PCDHGA6: variants seen among roughly 807,000 people sequenced by gnomAD.
The protein encoded by PCDHGA6 is protocadherin gamma-A6.
A neutral mutation model predicts 60.6 loss-of-function variants in PCDHGA6; 41 were observed. The observed-to-expected ratio is 0.68, with a 90% CI of 0.53 to 0.88. The LOEUF is 0.88. Ranked by LOEUF, PCDHGA6 falls within the 40% of genes least tolerant of loss-of-function variation. The pLI is 0.00. For synonymous variants in PCDHGA6, 594 were observed against 524.4 expected (o/e 1.13, Z -1.81); for missense variants, 1,312 against 1,203.0 (o/e 1.09, Z -1.34).
intron 1 of PCDHGA6, among the ~76,000 whole-genome samples, chr5:141,397,380 A>G (rs1469821900): frequency 1.7e-4 from 26 of 152,236 alleles, no homozygotes; most frequent in Non-Finnish European, 3.8e-4. Flanking sequence ...GGGGATTGGT[A>G]TAAAATTGCC....
intron 1 of PCDHGA6, among the ~76,000 whole-genome samples, chr5:141,447,896 G>C (rs2098554754): frequency 6.6e-6 from 1 of 152,022 alleles, no homozygotes; most frequent in African/African-American, 2.4e-5. Flanking sequence ...GACCAGCCTG[G>C]CCAACATGGT....
At chr5:141,423,440 C>G in intron 1 of PCDHGA6, 1 of 1,613,970 alleles carries the variant, frequency 6.2e-7, no homozygotes, top group South Asian at 1.1e-5. Context: ...GGTATGCCCA[C>G]GTCACATTTT....
chr5:141,389,737 G>A, intron 1 of PCDHGA6: 2 of 1,612,718 alleles, frequency 1.2e-6, no homozygotes, highest in Non-Finnish European at 1.7e-6. Flanking sequence ...TTCAGCCTGG[G>A]GCTGCGCACG....
In PCDHGA6 at chr5:141,489,189, C is replaced by A; in HGVS notation, c.2425-5618C>A. 1 of 1,341,534 alleles carries A rather than the reference C, an allele frequency of 7.5e-7. No homozygotes were observed. The highest frequency in any genetic ancestry group is 1.0e-6 in the Non-Finnish European group (1 of 975,280). 83.1% of individuals were successfully genotyped at this position (1,341,534 alleles called of 1,614,324 possible). A position where few individuals can be genotyped will look rare whatever the true frequency, so the allele number is the denominator to read the frequency against. On this transcript the variant is annotated intron_variant, in intron 1 of 3. Transcript: ENST00000517434. This position sits in a 1 kb window ranked among gnomAD's most constrained non-coding sequence, Gnocchi z 4.5. ...TGCTGCATTCCAAGCCCTGGGTCTA[C>A]CTTGGAGACAGGACAGCACAGACTT...
intron 1 of PCDHGA6, among the ~76,000 whole-genome samples, chr5:141,438,585 TACATAC>T (rs201018754): frequency 0.16 from 9,805 of 59,734 alleles, 612 homozygotes; most frequent in African/African-American, 0.28. Context: ...CATACATACA[TACATAC>T]ATATATATAT....
At chr5:141,394,122 C>G in intron 1 of PCDHGA6, 1 of 1,613,944 alleles carries the variant, frequency 6.2e-7, no homozygotes, top group Middle Eastern at 1.6e-4. Context: ...CACTGAAACT[C>G]AAATCGCTCT....
At chr5:141,392,010 A>T (rs949188518) in intron 1 of PCDHGA6, 1 of 152,234 alleles carries the variant, frequency 6.6e-6, no homozygotes, top group African/African-American at 2.4e-5. Context: ...TGCAATGGTA[A>T]AAGCATTTAT....
At position 141,375,956 on chromosome 5, in the gene PCDHGA6, G is replaced by T; in HGVS notation, c.1873G>T (p.Glu625Ter). The T allele has an allele frequency of 1.2e-6, 2 of 1,613,506 alleles. No homozygotes were observed. The highest frequency in any genetic ancestry group is 1.7e-6 in the Non-Finnish European group (2 of 1,179,926). ...TTTCTCAGTGGGCCTGCACACGGGC[G>T]AGGTGCGCACGGCGCGCGCCCTGCT... Reference protein sequence around the residue: ...GLFSVGLHTGEVRTARALLDR... With the variant: ...GLFSVGLHTG Residue 625 changes from glutamate to a stop codon, truncating the protein, a stop_gained, in exon 1 of 4, where the codon GAG (glutamate) becomes TAG (stop). Transcript: ENST00000517434. LOFTEE classifies it high-confidence loss of function.
Position 141,487,673 on chromosome 5 carries a change from C to T in PCDHGA6, c.2425-7134C>T. On this transcript the variant is annotated intron_variant, in intron 1 of 3. Transcript: ENST00000517434. The surrounding 1 kb of genome is among the most constrained non-coding windows in gnomAD (Gnocchi z 5.0). Reference sequence around the variant, plus strand: ...GGGTTATTCTGATCCAGGCATATGGCTAGGCCATGTCCTAGAGAGTACTGG... The same window carrying T: ...GGGTTATTCTGATCCAGGCATATGGTTAGGCCATGTCCTAGAGAGTACTGG... 6.2e-7 allele frequency: 1 copy of T among 1,611,456 alleles called. No homozygotes were observed. Among genetic ancestry groups the T allele is most frequent in the East Asian group, 2.2e-5 (1 of 44,852 alleles).
intron 1 of PCDHGA6, chr5:141,404,640 T>C (rs368593595): frequency 1.6e-5 from 26 of 1,614,092 alleles, no homozygotes; most frequent in East Asian, 2.2e-5. Context: ...CCAGAAATCC[T>C]GTACCCTGCC....
chr5:141,428,344 G>T (rs970552377), intron 1 of PCDHGA6: 3 of 596,498 alleles, frequency 5.0e-6, no homozygotes, highest in Non-Finnish European at 6.1e-6. Flanking sequence ...CTTCTTCCTC[G>T]CAGTGATTTT....
chr5:141,414,498 C>CT (rs748856262), intron 1 of PCDHGA6: 40 of 1,613,848 alleles, frequency 2.5e-5, no homozygotes, highest in Non-Finnish European at 3.3e-5. Context: ...CGGAAGCTCA[C>CT]TTTATGCTAC....
At chr5:141,404,319 C>T in intron 1 of PCDHGA6, 3 of 1,613,900 alleles carry the variant, frequency 1.9e-6, no homozygotes, top group East Asian at 4.5e-5. Context: ...TCTCAAGCCT[C>T]CTACTCAGTC....
chr5:141,383,364 C>G lies in PCDHGA6; in HGVS notation c.2424+6857C>G, dbSNP rs1345393790. Reference sequence around the variant, plus strand: ...CTCCTGGGGTTCGGTTTCCGTTAAGCGAGGCTGGGGATCCAGATGTGGGCA... The same window carrying G: ...CTCCTGGGGTTCGGTTTCCGTTAAGGGAGGCTGGGGATCCAGATGTGGGCA... On this transcript the variant is annotated intron_variant, in intron 1 of 3. Transcript: ENST00000517434. The G allele has an allele frequency of 2.5e-6, 4 of 1,613,946 alleles. No homozygotes were observed. The South Asian group carries it at 4.4e-5, about 18-fold the overall frequency.
intron 1 of PCDHGA6, chr5:141,417,644 A>G (rs2096142506): frequency 3.9e-6 from 3 of 779,086 alleles, no homozygotes; most frequent in Non-Finnish European, 5.8e-6. Context: ...GGGATCCCTC[A>G]GCCTCTAGCC....
chr5:141,490,257 T>C lies in PCDHGA6; in HGVS notation c.2425-4550T>C, dbSNP rs2099697852. On this transcript the variant is annotated intron_variant, in intron 1 of 3. Coordinates refer to ENST00000517434, the MANE Select transcript of PCDHGA6 (RefSeq NM_018919.3). The surrounding 1 kb of genome is among the most constrained non-coding windows in gnomAD (Gnocchi z 5.4). ...AGGGCCACTGTGTGATTCAAGTGGATGTGGGGGATGTCAATGACAATGCCC... is the reference window on the plus strand; with the variant it reads ...AGGGCCACTGTGTGATTCAAGTGGACGTGGGGGATGTCAATGACAATGCCC... The C allele has an allele frequency of 6.2e-7, 1 of 1,614,208 alleles. No individual in the cohort carries two copies. Among genetic ancestry groups the C allele is most frequent in the South Asian group, 1.1e-5 (1 of 91,078 alleles).
At chr5:141,414,020 C>A in intron 1 of PCDHGA6, 1 of 1,612,618 alleles carries the variant, frequency 6.2e-7, no homozygotes. Flanking sequence ...GGAGAAGTGA[C>A]ATATTCATTC....
chr5:141,405,746 G>A (rs1174743960), intron 1 of PCDHGA6, among the ~76,000 whole-genome samples: 1 of 152,108 alleles, frequency 6.6e-6, no homozygotes, highest in Non-Finnish European at 1.5e-5. Context: ...CCAAAGCACT[G>A]GGATTACAGG....
intron 1 of PCDHGA6, chr5:141,478,106 G>T: frequency 6.2e-7 from 1 of 1,614,046 alleles, no homozygotes; most frequent in Non-Finnish European, 8.5e-7. Flanking sequence ...TACCCTCACT[G>T]TGTCAGTAAC....
Sources: gnomAD v4.1 joint callset for allele counts (sites outside exome capture counted in the v4.1 genomes callset) on GRCh38, gnomAD v4.1.1 for gene constraint, Gnocchi (gnomAD v3.1) non-coding constraint, MANE v1.5 for transcripts, NCBI Gene and HGNC (gene_info 2026-07-23, HGNC 2026-07-21) for gene names.